The following CENPP variants were observed in gnomAD, a reference collection of about 807,000 sequenced individuals.
The protein encoded by CENPP is centromere protein P.
CENPP carries 24 observed loss-of-function variants against 35.6 expected under a neutral mutation model. That is an observed-to-expected ratio of 0.67 (90% CI 0.49 to 0.95). CENPP has a LOEUF of 0.95. CENPP is among the 40% of genes least tolerant of loss of function. CENPP has a pLI of 0.00. For missense variants in CENPP, 332 were observed against 345.3 expected, an observed-to-expected ratio of 0.96 and a Z score of 0.31; for synonymous variants, 120 against 125.5, an observed-to-expected ratio of 0.96 and a Z score of 0.29.
At chr9:92,605,589 A>T (rs1851055587) in intron 5 of CENPP, among the ~76,000 whole-genome samples, 2 of 152,226 alleles carry the variant, frequency 1.3e-5, no homozygotes, top group African/African-American at 4.8e-5. Context: ...ACAACTGGAT[A>T]TTCACAGACA....
chr9:92,548,845 A>G (rs899849192), intron 5 of CENPP, among the ~76,000 whole-genome samples: 2 of 152,154 alleles, frequency 1.3e-5, no homozygotes, highest in African/African-American at 4.8e-5. Flanking sequence ...TCAAAATCCT[A>G]GCAGTTCACT....
chr9:92,509,890 A>G lies in CENPP; in HGVS notation c.565-101424A>G, dbSNP rs747709415. 5.0e-6 allele frequency: 8 copies of G among 1,597,868 alleles called. No individual in the cohort carries two copies. In the East Asian group the frequency reaches 6.7e-5, roughly 13 times the overall value. On this transcript the variant is annotated intron_variant, in intron 5 of 7. Coordinates refer to ENST00000375587, the MANE Select transcript of CENPP (RefSeq NM_001012267.3). ...GGAAGCATATCATTGAAAAACAAAT[A>G]TTAAATACCTGATAAACTTTCTTCA... is the stretch of plus-strand genomic sequence containing the variant.
Position 92,378,043 on chromosome 9 carries a change from C to T in CENPP, c.468-1720C>T, listed in dbSNP as rs943050726. Among the ~76,000 whole-genome samples, 6 of 152,270 alleles carry T rather than the reference C, an allele frequency of 3.9e-5. No homozygotes were observed. The South Asian group carries it at 1.0e-3, about 26-fold the overall frequency. On this transcript the variant is annotated intron_variant, in intron 4 of 7. Coordinates refer to ENST00000375587, the MANE Select transcript of CENPP (RefSeq NM_001012267.3). ...ACCCACTGTGTGTGCAGCTGCCATG[C>T]TGGTTGAGATCAGAAATGACATCCT...
chr9:92,472,991 C>A (rs1030006342), intron 5 of CENPP, among the ~76,000 whole-genome samples: 7 of 152,062 alleles, frequency 4.6e-5, no homozygotes, highest in African/African-American at 1.7e-4. Flanking sequence ...GTGCCCAGAC[C>A]CTTTTTATGG....
At chr9:92,525,996 A>G (rs548291838) in intron 5 of CENPP, among the ~76,000 whole-genome samples, 11 of 152,036 alleles carry the variant, frequency 7.2e-5, no homozygotes, top group Admixed American at 2.6e-4. Flanking sequence ...ACTATACTAT[A>G]CTTTTTATCA....
chr9:92,583,406 C>G (rs1044514065), intron 5 of CENPP, among the ~76,000 whole-genome samples: 1 of 152,178 alleles, frequency 6.6e-6, no homozygotes, highest in East Asian at 1.9e-4. Context: ...TAACCTAGTG[C>G]AAGCTTTGTA....
rs1014529131 is a variant in CENPP, at chr9:92,495,399, A to G, written c.564+115540A>G. On this transcript the variant is annotated intron_variant, in intron 5 of 7. Coordinates refer to ENST00000375587, the MANE Select transcript of CENPP (RefSeq NM_001012267.3). ...CTTTATTTCAATTGAACCGAATAAA[A>G]TGATGTATTTCAGTAAATTAAGGCA... The G allele has an allele frequency of 3.0e-6, 3 of 984,918 alleles. No individual in the cohort carries two copies. In the African/African-American group the frequency reaches 5.2e-5, roughly 17 times the overall value. The allele number at this position is 984,918 out of a possible 1,614,324, so 61.0% of individuals were successfully genotyped here. A position where few individuals can be genotyped will look rare whatever the true frequency, so the allele number is the denominator to read the frequency against.
rs775012241 is a variant in CENPP, at chr9:92,615,575, T to C, written c.*2426T>C. On this transcript the variant is annotated 3_prime_UTR_variant, in exon 8 of 8. Coordinates refer to ENST00000375587, the MANE Select transcript of CENPP (RefSeq NM_001012267.3). Reference sequence around the variant, plus strand: ...GGAAAGAAGAACTATCCAGAACGTCTTCCCAGGGCTTAACGGACACTTCCA... The same window carrying C: ...GGAAAGAAGAACTATCCAGAACGTCCTCCCAGGGCTTAACGGACACTTCCA... 11 of 451,074 alleles carry C rather than the reference T, an allele frequency of 2.4e-5. No homozygotes were observed. The highest frequency in any genetic ancestry group is 7.5e-5 in the Admixed American group (2 of 26,766). 27.9% of individuals were successfully genotyped at this position (451,074 alleles called of 1,614,324 possible). A position where few individuals can be genotyped will look rare whatever the true frequency, so the allele number is the denominator to read the frequency against.
At chr9:92,333,208 C>T (rs1564262704) in intron 2 of CENPP, among the ~76,000 whole-genome samples, 1 of 152,204 alleles carries the variant, frequency 6.6e-6, no homozygotes, top group Non-Finnish European at 1.5e-5. Context: ...GAATAACATT[C>T]CCAAAAGCAG....
chr9:92,335,317 G>A (rs1314485765), intron 2 of CENPP, among the ~76,000 whole-genome samples: 1 of 152,076 alleles, frequency 6.6e-6, no homozygotes, highest in Non-Finnish European at 1.5e-5. Flanking sequence ...AAAAAATAAA[G>A]CCTAGAGATT....
intron 5 of CENPP, among the ~76,000 whole-genome samples, chr9:92,519,102 A>T (rs1237154717): frequency 6.6e-6 from 1 of 152,044 alleles, no homozygotes; most frequent in African/African-American, 2.4e-5. Context: ...CCCCCAAATG[A>T]GCCTCTCACA....
rs369878265 is a variant in CENPP, at chr9:92,393,171, T to C, written c.564+13312T>C. On this transcript the variant is annotated intron_variant, in intron 5 of 7. Transcript: ENST00000375587. Reference sequence around the variant, plus strand: ...AGGCTGATTCCTTTGGTAAGGGTGGTACAGCATCAATGTCAACTTCTTCAC... The same window carrying C: ...AGGCTGATTCCTTTGGTAAGGGTGGCACAGCATCAATGTCAACTTCTTCAC... 2.2e-5 allele frequency: 35 copies of C among 1,613,868 alleles called. No homozygotes were observed. In the East Asian group the frequency reaches 6.5e-4, roughly 30 times the overall value.
intron 5 of CENPP, among the ~76,000 whole-genome samples, chr9:92,563,647 A>C (rs916010407): frequency 6.6e-6 from 1 of 152,202 alleles, no homozygotes; most frequent in Admixed American, 6.5e-5. Context: ...TCTTTCTTCA[A>C]ACACTCAATT....
chr9:92,468,467 C>T lies in CENPP; in HGVS notation c.564+88608C>T, dbSNP rs535608705. On this transcript the variant is annotated intron_variant, in intron 5 of 7. Coordinates refer to ENST00000375587, the MANE Select transcript of CENPP (RefSeq NM_001012267.3). Reference sequence around the variant, plus strand: ...ACAGTGATTCATGCCACATGTGTCTCATAATGGCTGGAAGTGAGCTGGGAG... The same window carrying T: ...ACAGTGATTCATGCCACATGTGTCTTATAATGGCTGGAAGTGAGCTGGGAG... Among the ~76,000 whole-genome samples, 11 of 152,258 alleles carry T rather than the reference C, an allele frequency of 7.2e-5. No homozygotes were observed. The South Asian group carries it at 1.5e-3, about 20-fold the overall frequency.
At chr9:92,512,078 T>C (rs1340142832) in intron 5 of CENPP, 1 of 1,613,912 alleles carries the variant, frequency 6.2e-7, no homozygotes, top group Admixed American at 1.7e-5. Flanking sequence ...CCTTTCCAAA[T>C]TTGGTAATCC....
At chr9:92,486,993 G>C (rs999912102) in intron 5 of CENPP, among the ~76,000 whole-genome samples, 1 of 152,086 alleles carries the variant, frequency 6.6e-6, no homozygotes, top group Admixed American at 6.5e-5. Context: ...TGTTGGCCAG[G>C]CTGGTCTGGA....
At chr9:92,395,963 G>C (rs1024723199) in intron 5 of CENPP, among the ~76,000 whole-genome samples, 7 of 151,928 alleles carry the variant, frequency 4.6e-5, no homozygotes, top group African/African-American at 1.7e-4. Context: ...TTGACACTTT[G>C]TTTTCTTCTA....
chr9:92,491,531 T>C (rs115745038), intron 5 of CENPP, among the ~76,000 whole-genome samples: 16,973 of 152,070 alleles, frequency 0.11, 1,020 homozygotes, highest in Middle Eastern at 0.15. Flanking sequence ...TGCCTGTGCA[T>C]TCAGCTTTGA....
chr9:92,423,260 AAT>A (rs1477371480), intron 5 of CENPP, among the ~76,000 whole-genome samples: 2 of 151,998 alleles, frequency 1.3e-5, no homozygotes, highest in South Asian at 4.2e-4. Context: ...GGAGCAAAGT[AAT>A]ATATATATAT....
Sources: gnomAD v4.1 joint callset for allele counts (sites outside exome capture counted in the v4.1 genomes callset) on GRCh38, gnomAD v4.1.1 for gene constraint, MANE v1.5 for transcripts, NCBI Gene and HGNC (gene_info 2026-07-23, HGNC 2026-07-21) for gene names.